Variants in UMAD1 observed in about 807,000 individuals in gnomAD.
The protein encoded by UMAD1 is UBAP1-MVB12-associated (UMA)-domain containing protein 1.
Under a neutral mutation model 6.1 loss-of-function variants are expected in UMAD1, and 8 were observed. That is an observed-to-expected ratio of 1.30 (90% CI 0.76 to 2.35). The LOEUF (loss-of-function observed/expected upper bound fraction) is 2.35, where lower values mean the gene tolerates loss of function less well. Among genes scored for constraint, UMAD1 ranks in the 30% most tolerant of loss-of-function variants. The pLI is 0.00. For missense variants in UMAD1, 130 were observed against 78.4 expected (o/e 1.66, Z -2.49); for synonymous variants, 56 against 31.4 (o/e 1.78, Z -2.61).
chr7:7,803,588 G>A (rs1782846474), intron 3 of UMAD1, among the ~76,000 whole-genome samples: 1 of 152,180 alleles, frequency 6.6e-6, no homozygotes, highest in South Asian at 2.1e-4. Context: ...GGCTGCTACA[G>A]CAAAATACCA....
chr7:7,696,755 A>G (rs973700244), intron 2 of UMAD1, among the ~76,000 whole-genome samples: 3 of 152,132 alleles, frequency 2.0e-5, no homozygotes, highest in Admixed American at 2.0e-4. Context: ...GATTCTTGCC[A>G]ACTGGTTTAC....
At chr7:7,753,722 G>C (rs1009951252) in intron 2 of UMAD1, among the ~76,000 whole-genome samples, 2 of 152,154 alleles carry the variant, frequency 1.3e-5, no homozygotes, top group African/African-American at 4.8e-5. Flanking sequence ...TGTGAACAGC[G>C]CTGTAACAAA....
chr7:7,782,658 C>G (rs1332113430), intron 2 of UMAD1, among the ~76,000 whole-genome samples: 1 of 151,436 alleles, frequency 6.6e-6, no homozygotes, highest in East Asian at 1.9e-4. Flanking sequence ...TACTTTAATC[C>G]TAGTTAATCC....
chr7:7,849,472 T>C (rs1178328178), intron 3 of UMAD1, among the ~76,000 whole-genome samples: 1 of 152,148 alleles, frequency 6.6e-6, no homozygotes, highest in Non-Finnish European at 1.5e-5. Flanking sequence ...CTAAGGAGTG[T>C]GGCCAAGAGC....
chr7:7,787,688 A>G (rs1051908949), intron 2 of UMAD1, among the ~76,000 whole-genome samples: 12 of 152,138 alleles, frequency 7.9e-5, no homozygotes, highest in African/African-American at 2.9e-4. Context: ...TTCCTAATGC[A>G]GCTTCAAAGG....
At chr7:7,645,693 G>C (rs1247633146) in intron 1 of UMAD1, among the ~76,000 whole-genome samples, 2 of 152,122 alleles carry the variant, frequency 1.3e-5, no homozygotes, top group African/African-American at 4.8e-5. Flanking sequence ...CCTTAATTGA[G>C]ATGATTGAAA....
intron 2 of UMAD1, among the ~76,000 whole-genome samples, chr7:7,789,478 A>G (rs770988034): frequency 3.3e-5 from 5 of 152,248 alleles, no homozygotes; most frequent in Admixed American, 6.5e-5. Context: ...AATTACTAGT[A>G]ATAAAACCAA....
intron 2 of UMAD1, among the ~76,000 whole-genome samples, chr7:7,769,622 G>A (rs1782062683): frequency 6.6e-6 from 1 of 152,114 alleles, no homozygotes; most frequent in Non-Finnish European, 1.5e-5. Context: ...ATTGTGGAAT[G>A]TTTCTTTTTG....
intron 2 of UMAD1, among the ~76,000 whole-genome samples, chr7:7,685,471 A>G (rs1211074777): frequency 6.6e-6 from 1 of 151,960 alleles, no homozygotes; most frequent in Non-Finnish European, 1.5e-5. Context: ...CACCACGCCC[A>G]CCAAGTTTTG....
At chr7:7,651,980 G>A (rs1229864486) in intron 1 of UMAD1, among the ~76,000 whole-genome samples, 1 of 152,140 alleles carries the variant, frequency 6.6e-6, no homozygotes, top group Non-Finnish European at 1.5e-5. Flanking sequence ...CCTTGCAAGA[G>A]CTGTGACTTC....
chr7:7,713,399 T>G (rs960952519), intron 2 of UMAD1, among the ~76,000 whole-genome samples: 2 of 126,640 alleles, frequency 1.6e-5, no homozygotes, highest in African/African-American at 3.5e-5. Context: ...ATAGACAGAG[T>G]TTTTTTTTTT....
chr7:7,719,605 CAG>C (rs749328609), intron 2 of UMAD1, among the ~76,000 whole-genome samples: 1 of 152,066 alleles, frequency 6.6e-6, no homozygotes, highest in African/African-American at 2.4e-5. Flanking sequence ...GTATATTTTT[CAG>C]AGAGTTGAGC....
chr7:7,784,126 T>C (rs1435586793), intron 2 of UMAD1, among the ~76,000 whole-genome samples: 1 of 151,192 alleles, frequency 6.6e-6, no homozygotes, highest in East Asian at 2.0e-4. Context: ...CAGACTTTAG[T>C]TTAAATATGG....
intron 2 of UMAD1, among the ~76,000 whole-genome samples, chr7:7,713,998 C>G (rs1780829994): frequency 6.6e-6 from 1 of 152,102 alleles, no homozygotes. Flanking sequence ...CCACACCTGC[C>G]CCACACGTTT....
rs1475108321 is a variant in UMAD1 at position 7,673,417 on chromosome 7, G to A, written c.46G>A (p.Val16Ile). 1 of 1,041,524 alleles carries A rather than the reference G, an allele frequency of 9.6e-7. No individual in the cohort carries two copies. 64.5% of individuals were successfully genotyped at this position (1,041,524 alleles called of 1,614,324 possible). ...GCCTCCGGAATCTAAAAAGCCCTCA[G>A]TACCAGAGACAGAAGCAGATGGATT... ...RKPPESKKPS[V>I]PETEADGFVL... The change falls in exon 2 of 4, where the codon GTA becomes ATA. Residue 16 changes from valine (V) to isoleucine (I), a missense_variant. By Grantham distance (29) the Val-to-Ile change is conservative. Coordinates refer to ENST00000682710, the MANE Select transcript of UMAD1 (RefSeq NM_001302348.2).
intron 1 of UMAD1, among the ~76,000 whole-genome samples, chr7:7,669,929 C>T (rs1342574013): frequency 6.6e-6 from 1 of 152,106 alleles, no homozygotes; most frequent in Non-Finnish European, 1.5e-5. Flanking sequence ...ATCCCTCCTT[C>T]TATAATATAT....
Position 7,816,000 on chromosome 7 carries a change from A to C in UMAD1, c.156+14257A>C, listed in dbSNP as rs186206588. 1.8e-4 allele frequency among the ~76,000 whole-genome samples: 27 copies of C among 152,338 alleles called. No homozygotes were observed. The South Asian group carries it at 3.7e-3, about 21-fold the overall frequency. On this transcript the variant is annotated intron_variant, in intron 3 of 3. Coordinates refer to ENST00000682710, the MANE Select transcript of UMAD1 (RefSeq NM_001302348.2). Reference sequence around the variant, plus strand: ...ATTTAGGGCCACGAAGTCTTTGAGTAGTCATAGTGGGACAAGAAATAAAGA... The same window carrying C: ...ATTTAGGGCCACGAAGTCTTTGAGTCGTCATAGTGGGACAAGAAATAAAGA...
chr7:7,778,273 TGTGAGAGAGA>T (rs1272861593), intron 2 of UMAD1, among the ~76,000 whole-genome samples: 9 of 94,780 alleles, frequency 9.5e-5, no homozygotes, highest in Non-Finnish European at 2.0e-4. Context: ...TGTGTGTGTG[TGTGAGAGAGA>T]GAGAGAGAGA....
chr7:7,684,747 A>T (rs539762468), intron 2 of UMAD1, among the ~76,000 whole-genome samples: 2 of 152,338 alleles, frequency 1.3e-5, no homozygotes, highest in African/African-American at 4.8e-5. Context: ...AAATTATTTG[A>T]CAGATTAACA....
Sources: gnomAD v4.1 joint callset for allele counts (sites outside exome capture counted in the v4.1 genomes callset) on GRCh38, gnomAD v4.1.1 for gene constraint, MANE v1.5 for transcripts, NCBI Gene and HGNC (gene_info 2026-07-23, HGNC 2026-07-21) for gene names.